Variants in EPCIP observed in about 807,000 individuals in gnomAD.
EPCIP encodes the protein exosomal polycystin 1 interacting protein, also known as exosomal polycystin-1-interacting protein.
At chr21:32,810,246 CTTTTTTTTTTTTTTTT>C in the EPCIP span, among the ~76,000 whole-genome samples, 1 of 65,636 alleles carries the variant, frequency 1.5e-5, no homozygotes, top group Non-Finnish European at 2.6e-5. Flanking sequence ...GGCATTTGAT[CTTTTTTTTTTTTTTTT>C]TTTTTTTTTT....
chr21:32,791,788 C>T, the EPCIP span, among the ~76,000 whole-genome samples: 2 of 151,924 alleles, frequency 1.3e-5, no homozygotes, highest in East Asian at 3.8e-4. Flanking sequence ...CCAGGATATC[C>T]TGTTAAGTCA....
the EPCIP span, among the ~76,000 whole-genome samples, chr21:32,793,386 G>A: frequency 6.6e-6 from 1 of 152,158 alleles, no homozygotes; most frequent in African/African-American, 2.4e-5. Context: ...ATGTTTCTTG[G>A]GGGTCACCTT....
At chr21:32,795,238 C>G in the EPCIP span, among the ~76,000 whole-genome samples, 28 of 152,274 alleles carry the variant, frequency 1.8e-4, no homozygotes, top group African/African-American at 6.5e-4. Flanking sequence ...ATGAACTGAT[C>G]TTGTCAATGT....
the EPCIP span, chr21:32,810,513 G>A: frequency 5.7e-5 from 26 of 458,126 alleles, no homozygotes; most frequent in East Asian, 1.4e-4. Flanking sequence ...CGCCCGCCTC[G>A]GCCTCCCAAA....
the EPCIP span, among the ~76,000 whole-genome samples, chr21:32,800,365 T>C: frequency 6.6e-6 from 1 of 152,254 alleles, no homozygotes; most frequent in African/African-American, 2.4e-5. Context: ...TCTGTCTTTA[T>C]GCAGCTAGTT....
chr21:32,799,229 T>C, the EPCIP span, among the ~76,000 whole-genome samples: 1 of 152,134 alleles, frequency 6.6e-6, no homozygotes, highest in African/African-American at 2.4e-5. Flanking sequence ...TGGGTGAGCA[T>C]TGCAACTCTA....
At chr21:32,791,340 C>T in the EPCIP span, 6 of 152,104 alleles carry the variant, frequency 3.9e-5, no homozygotes, top group African/African-American at 1.4e-4. Context: ...TTAAAAGCTA[C>T]CAAATGGAAG....
the EPCIP span, among the ~76,000 whole-genome samples, chr21:32,802,049 T>C: frequency 3.6e-4 from 55 of 152,242 alleles, no homozygotes; most frequent in African/African-American, 1.2e-3. Context: ...TGGAGGTCCA[T>C]GAGGCTGGGG....
the EPCIP span, among the ~76,000 whole-genome samples, chr21:32,808,045 A>C: frequency 1.3e-5 from 2 of 152,232 alleles, no homozygotes; most frequent in Non-Finnish European, 2.9e-5. Context: ...GAAGGAAAAC[A>C]TGAGTAGAAT....
the EPCIP span, chr21:32,810,698 T>G: frequency 2.1e-6 from 1 of 471,102 alleles, no homozygotes. Context: ...TGAACTGAGA[T>G]ACGTCTCTAG....
At chr21:32,791,559 A>G in the EPCIP span, 28 of 151,908 alleles carry the variant, frequency 1.8e-4, no homozygotes, top group African/African-American at 6.5e-4. Context: ...CTGCAGTACA[A>G]TGTCAGTAAT....
chr21:32,796,044 CCTTCCTTCCT>C, the EPCIP span, among the ~76,000 whole-genome samples: 101 of 152,030 alleles, frequency 6.6e-4, no homozygotes, highest in African/African-American at 2.3e-3. Flanking sequence ...CTCCTTCCTT[CCTTCCTTCCT>C]TCCTTCCTTC....
the EPCIP span, among the ~76,000 whole-genome samples, chr21:32,808,103 C>T: frequency 6.6e-5 from 10 of 152,208 alleles, no homozygotes; most frequent in Admixed American, 3.9e-4. Flanking sequence ...CGAAGCCATT[C>T]CCCTAATTGC....
chr21:32,791,260 A>C, the EPCIP span: 1 of 152,222 alleles, frequency 6.6e-6, no homozygotes, highest in Non-Finnish European at 1.5e-5. Context: ...CTGTTGGTTT[A>C]AGTCCCATTA....
chr21:32,797,240 C>T, the EPCIP span: 3 of 273,216 alleles, frequency 1.1e-5, no homozygotes, highest in African/African-American at 6.7e-5. Flanking sequence ...GGAAATTTTC[C>T]TCCTTCAGTC....
At chr21:32,811,289 G>A in the EPCIP span, among the ~76,000 whole-genome samples, 4 of 151,976 alleles carry the variant, frequency 2.6e-5, no homozygotes, top group East Asian at 3.9e-4. Flanking sequence ...GCACCACCAC[G>A]CCCAGCTAAT....
the EPCIP span, chr21:32,794,556 G>A: frequency 1.8e-5 from 15 of 813,748 alleles, no homozygotes; most frequent in East Asian, 2.7e-5. Flanking sequence ...AGGAACCCCA[G>A]AAAAAAACAA....
At chr21:32,796,908 A>T in the EPCIP span, 1 of 464,998 alleles carries the variant, frequency 2.2e-6, no homozygotes, top group South Asian at 1.6e-5. Context: ...GCCCGAACCT[A>T]GTGAGAAAAG....
the EPCIP span, among the ~76,000 whole-genome samples, chr21:32,807,964 G>A: frequency 1.3e-5 from 2 of 152,198 alleles, no homozygotes; most frequent in African/African-American, 4.8e-5. Context: ...GGCTAGAATG[G>A]AGACCGTGAG....
Sources: allele counts gnomAD v4.1 joint callset (sites outside exome capture counted in the v4.1 genomes callset), GRCh38; gene constraint gnomAD v4.1.1; transcripts MANE v1.5; gene names NCBI Gene and HGNC (gene_info 2026-07-23, HGNC 2026-07-21).